CYP2C19: variants seen among roughly 807,000 people sequenced by gnomAD.
The protein encoded by CYP2C19 is cytochrome P450 2C19.
In CYP2C19, 59 loss-of-function variants were observed where a neutral mutation model predicts 40.9. That is an observed-to-expected ratio of 1.44 (90% CI 1.17 to 1.79). The LOEUF is 1.79. Ranked by LOEUF, CYP2C19 falls within the 40% of genes most tolerant of loss-of-function variation. The pLI, the probability that CYP2C19 is intolerant of heterozygous loss-of-function variation, is 0.00. For synonymous variants in CYP2C19, 253 were observed against 208.7 expected (o/e 1.21, Z -1.83); for missense variants, 754 against 596.9 (o/e 1.26, Z -2.74).
intron 5 of CYP2C19, among the ~76,000 whole-genome samples, chr10:94,817,918 CAGG>C (rs1313947060): frequency 2.8e-5 from 4 of 145,454 alleles, no homozygotes; most frequent in African/African-American, 5.1e-5. Context: ...GAGGCTGAGG[CAGG>C]AGAATGGCGT....
intron 5 of CYP2C19, among the ~76,000 whole-genome samples, chr10:94,790,811 G>A (rs1848595529): frequency 6.6e-6 from 1 of 152,068 alleles, no homozygotes; most frequent in Admixed American, 6.5e-5. Context: ...GTTCATCAGG[G>A]ATATTGGTCT....
intron 5 of CYP2C19, among the ~76,000 whole-genome samples, chr10:94,795,673 C>T (rs1034120269): frequency 2.0e-5 from 3 of 152,082 alleles, no homozygotes; most frequent in African/African-American, 7.2e-5. Context: ...CTGTCGTTTC[C>T]TGACTTTTTA....
intron 4 of CYP2C19, among the ~76,000 whole-genome samples, chr10:94,781,234 A>G (rs1011734150): frequency 6.6e-6 from 1 of 152,182 alleles, no homozygotes; most frequent in Non-Finnish European, 1.5e-5. Context: ...ATAAACAGAC[A>G]TCACACTTTT....
At position 94,852,754 on chromosome 10, in the gene CYP2C19, A is replaced by T. The variant is rs1042611883; in HGVS notation, c.1313A>T (p.Glu438Val). The change falls in exon 9 of 9, where the codon GAG becomes GTG. Residue 438 changes from glutamate (E) to valine (V), a missense_variant. Glu to Val is a moderately radical substitution (Grantham distance 121, BLOSUM62 -2). Coordinates refer to ENST00000371321, the MANE Select transcript of CYP2C19 (RefSeq NM_000769.4). ...FSAGKRICVG[E>V]GLARMELFLF... ...TCAGGAAAACGGATTTGTGTGGGAG[A>T]GGGCCTGGCCCGCATGGAGCTGTTT... 3 of 1,613,854 alleles carry T rather than the reference A, an allele frequency of 1.9e-6. No homozygotes were observed. Among genetic ancestry groups the T allele is most frequent in the Non-Finnish European group, 2.5e-6 (3 of 1,179,944 alleles).
intron 4 of CYP2C19, among the ~76,000 whole-genome samples, chr10:94,780,944 C>T (rs1405107694): frequency 6.6e-6 from 1 of 152,072 alleles, no homozygotes; most frequent in Non-Finnish European, 1.5e-5. Context: ...TGGTGACAGC[C>T]CCAAAGCGTG....
intron 6 of CYP2C19, among the ~76,000 whole-genome samples, chr10:94,824,100 G>C (rs1849172364): frequency 6.6e-6 from 1 of 152,200 alleles, no homozygotes. Context: ...GAAATAAAGA[G>C]ATGTGGTTAA....
intron 5 of CYP2C19, among the ~76,000 whole-genome samples, chr10:94,817,483 T>C (rs1849025433): frequency 6.9e-6 from 1 of 144,228 alleles, no homozygotes; most frequent in Non-Finnish European, 1.5e-5. Context: ...ATATTAGCCC[T>C]TTGTCAGATG....
At chr10:94,785,696 C>T (rs554385177) in intron 5 of CYP2C19, among the ~76,000 whole-genome samples, 7 of 152,234 alleles carry the variant, frequency 4.6e-5, no homozygotes, top group African/African-American at 1.7e-4. Context: ...AACCCTAAAT[C>T]ATTGTCTGGC....
rs780225316 is a variant in CYP2C19 at position 94,849,980 on chromosome 10, G to A, written c.1213G>A (p.Glu405Lys). 1.9e-6 allele frequency: 3 copies of A among 1,613,746 alleles called. No individual in the cohort carries two copies. In the East Asian group the frequency reaches 6.7e-5, roughly 36 times the overall value. Reference protein sequence around the residue: ...LHDNKEFPNPEMFDPRHFLDE... With the variant: ...LHDNKEFPNPKMFDPRHFLDE... ...TGACAACAAAGAATTTCCCAACCCA[G>A]AGATGTTTGACCCTCGTCACTTTCT... The change falls in exon 8 of 9, where the codon GAG (glutamate) becomes AAG (lysine). Residue 405 changes from glutamate to lysine, a missense_variant. Coordinates refer to ENST00000371321, the MANE Select transcript of CYP2C19 (RefSeq NM_000769.4).
intron 1 of CYP2C19, among the ~76,000 whole-genome samples, chr10:94,770,030 G>A (rs1848305207): frequency 6.6e-6 from 1 of 152,180 alleles, no homozygotes; most frequent in African/African-American, 2.4e-5. Context: ...GCTGTCCCAG[G>A]ATTTCTCAGA....
intron 6 of CYP2C19, among the ~76,000 whole-genome samples, chr10:94,837,950 T>G (rs934290091): frequency 1.3e-5 from 2 of 152,174 alleles, no homozygotes; most frequent in African/African-American, 4.8e-5. Context: ...TTTTTTAAAG[T>G]GTCCTTGTAG....
chr10:94,820,350 T>C, intron 5 of CYP2C19, 146 bp from the exon 6 acceptor site: 1 of 901,320 alleles, frequency 1.1e-6, no homozygotes, highest in Non-Finnish European at 1.7e-6. Context: ...ATGCCCTCTC[T>C]CACCGCTCCT....
chr10:94,836,957 G>C (rs1849414265), intron 6 of CYP2C19, among the ~76,000 whole-genome samples: 1 of 152,154 alleles, frequency 6.6e-6, no homozygotes, highest in South Asian at 2.1e-4. Context: ...GAACCCTTGG[G>C]GTAAAACAGT....
intron 5 of CYP2C19, among the ~76,000 whole-genome samples, chr10:94,788,829 G>A (rs1449349433): frequency 6.6e-6 from 1 of 152,114 alleles, no homozygotes; most frequent in Non-Finnish European, 1.5e-5. Flanking sequence ...TGTCTTTATA[G>A]TAGAAGGGCT....
At chr10:94,818,314 C>A (rs1849045548) in intron 5 of CYP2C19, among the ~76,000 whole-genome samples, 1 of 150,422 alleles carries the variant, frequency 6.6e-6, no homozygotes, top group South Asian at 2.1e-4. Flanking sequence ...AGTTTGAAGT[C>A]AGGTAGTGTG....
intron 1 of CYP2C19, among the ~76,000 whole-genome samples, chr10:94,771,425 G>C (rs1168448763): frequency 6.6e-6 from 1 of 152,084 alleles, no homozygotes; most frequent in African/African-American, 2.4e-5. Context: ...TGGATATAAG[G>C]TATTTCACTC....
At chr10:94,779,678 A>C (rs1245256147) in intron 3 of CYP2C19, among the ~76,000 whole-genome samples, 2 of 150,722 alleles carry the variant, frequency 1.3e-5, no homozygotes, top group Non-Finnish European at 2.9e-5. Flanking sequence ...CTCCTGCCTC[A>C]GCCTCCCAAG....
At chr10:94,772,279 T>C (rs1010734747) in intron 1 of CYP2C19, among the ~76,000 whole-genome samples, 1 of 152,138 alleles carries the variant, frequency 6.6e-6, no homozygotes, top group African/African-American at 2.4e-5. Flanking sequence ...TTCCAGATAG[T>C]ACCCCCTAAA....
chr10:94,782,418 T>A (rs1396580269), intron 5 of CYP2C19, among the ~76,000 whole-genome samples: 3 of 152,114 alleles, frequency 2.0e-5, no homozygotes, highest in Admixed American at 2.0e-4. Context: ...AGATACCATC[T>A]CATGCCAGTT....
Sources: gnomAD v4.1 joint callset for allele counts (sites outside exome capture counted in the v4.1 genomes callset) on GRCh38, gnomAD v4.1.1 for gene constraint, MANE v1.5 for transcripts, NCBI Gene and HGNC (gene_info 2026-07-23, HGNC 2026-07-21) for gene names.